Variants in SMAP2 observed in about 807,000 individuals in gnomAD.
SMAP2 encodes stromal membrane-associated protein 2.
SMAP2 carries 25 observed loss-of-function variants against 56.4 expected under a neutral mutation model. That is an observed-to-expected ratio of 0.44 (90% CI 0.32 to 0.62). The LOEUF (loss-of-function observed/expected upper bound fraction) is 0.62, where lower values mean the gene tolerates loss of function less well. Ranked by LOEUF, SMAP2 falls within the 20% of genes least tolerant of loss-of-function variation. SMAP2 has a pLI of 0.04. For synonymous variants in SMAP2, 157 were observed against 181.7 expected (o/e 0.86, Z 1.09); for missense variants, 388 against 545.6 (o/e 0.71, Z 2.88).
At chr1:40,345,878 A>ATATTT (rs879340127) in intron 1 of SMAP2, among the ~76,000 whole-genome samples, 10,251 of 95,052 alleles carry the variant, frequency 0.11, 1,303 homozygotes, top group African/African-American at 0.33. Flanking sequence ...ATATTGTATT[A>ATATTT]TATTGTATTG....
At chr1:40,411,633 G>C (rs578180936) in intron 4 of SMAP2, among the ~76,000 whole-genome samples, 1 of 152,184 alleles carries the variant, frequency 6.6e-6, no homozygotes, top group Non-Finnish European at 1.5e-5. Flanking sequence ...TTCATATTTT[G>C]TGAAGATTTT....
At chr1:40,398,798 C>G (rs1322086323) in intron 1 of SMAP2, among the ~76,000 whole-genome samples, 4 of 151,874 alleles carry the variant, frequency 2.6e-5, no homozygotes, top group Non-Finnish European at 5.9e-5. Flanking sequence ...GCCACTGCAC[C>G]TAGAATACTT....
chr1:40,398,536 A>C (rs558647708), intron 1 of SMAP2, among the ~76,000 whole-genome samples: 1 of 152,384 alleles, frequency 6.6e-6, no homozygotes, highest in Non-Finnish European at 1.5e-5. Context: ...TGATACCATA[A>C]TTCCTTAATG....
At position 40,374,573 on chromosome 1, in the gene SMAP2, T is replaced by C. The variant is rs1644522841; in HGVS notation, c.103+350T>C. The C allele has an allele frequency of 7.9e-7, 1 of 1,267,712 alleles. No individual in the cohort carries two copies. Among genetic ancestry groups the C allele is most frequent in the Non-Finnish European group, 1.1e-6 (1 of 895,660 alleles). 78.5% of individuals were successfully genotyped at this position (1,267,712 alleles called of 1,614,324 possible). On this transcript the variant is annotated intron_variant, in intron 1 of 9. Transcript: ENST00000372718. This position sits in a 1 kb window ranked among gnomAD's most constrained non-coding sequence, Gnocchi z 5.9. ...GTCACTTGCAAAGCTGGGGATGAAC[T>C]GCATTGCGTGCGTGCGTGCGTGCGT...
At chr1:40,412,836 C>T (rs209603) in intron 4 of SMAP2, among the ~76,000 whole-genome samples, 180 bp from the exon 5 acceptor site, 138,564 of 152,190 alleles carry the variant, frequency 0.91, 63,322 homozygotes, top group African/African-American at 0.98. Flanking sequence ...GCATTGAGGC[C>T]AATGTGGAAG....
rs887385515 is a variant in SMAP2, at chr1:40,355,954, C to T, written c.-82-6346C>T. On this transcript the variant is annotated intron_variant, in intron 1 of 6. Coordinates refer to the SMAP2 transcript ENST00000435168. ...TTCTATCTAACTATATTTTTGTACC[C>T]GTTAACCATTCCCACTTTCCCCCAC... Among the ~76,000 whole-genome samples, 11 of 152,070 alleles carry T rather than the reference C, an allele frequency of 7.2e-5. No homozygotes were observed. The East Asian group carries it at 7.7e-4, about 11-fold the overall frequency.
chr1:40,396,471 A>C (rs1644773241), intron 1 of SMAP2, among the ~76,000 whole-genome samples: 2 of 152,348 alleles, frequency 1.3e-5, no homozygotes, highest in South Asian at 2.1e-4. Context: ...AACCAGTCTC[A>C]GACATGTTTT....
intron 1 of SMAP2, among the ~76,000 whole-genome samples, chr1:40,391,839 G>A (rs550073735): frequency 6.6e-6 from 1 of 152,240 alleles, no homozygotes; most frequent in African/African-American, 2.4e-5. Context: ...GATACTGGTT[G>A]TTGCAAAGAG....
At chr1:40,415,222 C>A in intron 6 of SMAP2, 50 bp from the exon 7 acceptor site, 1 of 1,374,632 alleles carries the variant, frequency 7.3e-7, no homozygotes, top group Non-Finnish European at 1.0e-6. Flanking sequence ...AGAAGGAAGG[C>A]ATGGGCTTAA....
At chr1:40,358,419 G>A (rs1644446132) in intron 1 of SMAP2, among the ~76,000 whole-genome samples, 1 of 152,048 alleles carries the variant, frequency 6.6e-6, no homozygotes, top group African/African-American at 2.4e-5. Context: ...TGGTGGACAT[G>A]TGTAATCCCA....
At chr1:40,346,123 T>C (rs570397211) in intron 1 of SMAP2, among the ~76,000 whole-genome samples, 1 of 151,288 alleles carries the variant, frequency 6.6e-6, no homozygotes, top group Non-Finnish European at 1.5e-5. Context: ...CAATATACTT[T>C]TAAAGTCACT....
At chr1:40,364,768 G>C (rs542381428) in intron 2 of SMAP2, 1 of 152,208 alleles carries the variant, frequency 6.6e-6, no homozygotes, top group Non-Finnish European at 1.5e-5. Context: ...ATGGCTCAAG[G>C]CTGTGGATAT....
intron 1 of SMAP2, among the ~76,000 whole-genome samples, chr1:40,349,160 C>T (rs527881294): frequency 2.0e-5 from 3 of 152,170 alleles, no homozygotes; most frequent in Non-Finnish European, 4.4e-5. Flanking sequence ...CTCACAATTT[C>T]ATTTCTGTGA....
chr1:40,386,216 G>C lies in SMAP2; in HGVS notation c.103+11993G>C, dbSNP rs1459218761. On this transcript the variant is annotated intron_variant, in intron 1 of 9. Coordinates refer to ENST00000372718, the MANE Select transcript of SMAP2 (RefSeq NM_022733.3). This position sits in a 1 kb window ranked among gnomAD's most constrained non-coding sequence, Gnocchi z 4.1. Reference sequence around the variant, plus strand: ...GGAAACCAATTTGAGTGTGACAGCTGATTTGAGAAAGAATGAATTAAGAGA... The same window carrying C: ...GGAAACCAATTTGAGTGTGACAGCTCATTTGAGAAAGAATGAATTAAGAGA... Among the ~76,000 whole-genome samples, 1 of 152,212 alleles carries C rather than the reference G, an allele frequency of 6.6e-6. No homozygotes were observed. Among genetic ancestry groups the C allele is most frequent in the Non-Finnish European group, 1.5e-5 (1 of 68,038 alleles).
chr1:40,396,308 C>T (rs1050421184), intron 1 of SMAP2, among the ~76,000 whole-genome samples: 3 of 152,118 alleles, frequency 2.0e-5, no homozygotes, highest in East Asian at 1.9e-4. Context: ...TGAAATGGTA[C>T]GTAACTGACT....
chr1:40,374,345 G>T lies in SMAP2; in HGVS notation c.103+122G>T. The T allele has an allele frequency of 1.2e-6, 1 of 830,044 alleles. No homozygotes were observed. Among genetic ancestry groups the T allele is most frequent in the South Asian group, 1.6e-5 (1 of 64,052 alleles). 51.4% of individuals were successfully genotyped at this position (830,044 alleles called of 1,614,324 possible). A position where few individuals can be genotyped will look rare whatever the true frequency, so the allele number is the denominator to read the frequency against. Reference sequence around the variant, plus strand: ...ACTCGGCTTATAAGTGGTAACGCGTGCTGCGCTTGCAGTGAGCCTACTGGG... The same window carrying T: ...ACTCGGCTTATAAGTGGTAACGCGTTCTGCGCTTGCAGTGAGCCTACTGGG... On this transcript the variant is annotated intron_variant, in intron 1 of 9. Transcript: ENST00000372718. The surrounding 1 kb of genome is among the most constrained non-coding windows in gnomAD (Gnocchi z 5.9).
chr1:40,408,215 A>T lies in SMAP2; in HGVS notation c.238-438A>T, dbSNP rs1436426286. On this transcript the variant is annotated intron_variant, in intron 2 of 9. Transcript: ENST00000372718. This position sits in a 1 kb window ranked among gnomAD's most constrained non-coding sequence, Gnocchi z 4.3. ...TTTGGAGATTTAAAAAGCTCTTGGG[A>T]TTTATCCCTCACAAGTGTTAAGGAG... Among the ~76,000 whole-genome samples, 1 of 152,220 alleles carries T rather than the reference A, an allele frequency of 6.6e-6. No individual in the cohort carries two copies. The highest frequency in any genetic ancestry group is 1.5e-5 in the Non-Finnish European group (1 of 68,036).
At chr1:40,372,887 G>T (rs1390769154), upstream of SMAP2, among the ~76,000 whole-genome samples, 1 of 152,196 alleles carries the variant, frequency 6.6e-6, no homozygotes, top group African/African-American at 2.4e-5. Flanking sequence ...GTGAATGAAT[G>T]AATGAATGAG....
chr1:40,394,965 A>G (rs2124290571), intron 1 of SMAP2, among the ~76,000 whole-genome samples: 1 of 152,278 alleles, frequency 6.6e-6, no homozygotes, highest in African/African-American at 2.4e-5. Flanking sequence ...TCTGTGAGTC[A>G]GGAACATGAC....
Sources: gnomAD v4.1 joint callset for allele counts (sites outside exome capture counted in the v4.1 genomes callset) on GRCh38, gnomAD v4.1.1 for gene constraint, Gnocchi (gnomAD v3.1) non-coding constraint, MANE v1.5 for transcripts, NCBI Gene and HGNC (gene_info 2026-07-23, HGNC 2026-07-21) for gene names.